Variants in CCDC180 observed in about 807,000 individuals in gnomAD.
CCDC180 encodes coiled-coil domain-containing protein 180.
CCDC180 carries 154 observed loss-of-function variants against 209.2 expected under a neutral mutation model. The ratio of observed to expected loss-of-function variants is 0.74; its 90% confidence interval spans 0.65 to 0.84. The LOEUF (loss-of-function observed/expected upper bound fraction) is 0.84. Ranked by LOEUF, CCDC180 falls within the 40% of genes least tolerant of loss-of-function variation. The pLI is 0.00. For missense variants in CCDC180, 1,874 were observed against 1,997.3 expected, an observed-to-expected ratio of 0.94 and a Z score of 1.18; for synonymous variants, 778 against 749.1, an observed-to-expected ratio of 1.04 and a Z score of -0.63.
chr9:97,364,221 AG>A, intron 29 of CCDC180, 93 bp downstream of exon 29: 3 of 1,223,028 alleles, frequency 2.5e-6, no homozygotes, highest in Non-Finnish European at 3.5e-6. Context: ...AAAATCAGAA[AG>A]GGGAAAGGCA....
intron 11 of CCDC180, among the ~76,000 whole-genome samples, chr9:97,321,275 A>C (rs771600979): frequency 6.6e-6 from 1 of 152,226 alleles, no homozygotes; most frequent in Non-Finnish European, 1.5e-5. Context: ...AAATAAAGGA[A>C]CATCTGTAGT....
At chr9:97,358,784 C>A (rs536674432) in intron 25 of CCDC180, among the ~76,000 whole-genome samples, 3 of 152,280 alleles carry the variant, frequency 2.0e-5, no homozygotes, top group African/African-American at 7.2e-5. Flanking sequence ...CAGAACCAGA[C>A]ACCCCAGCCT....
chr9:97,308,271 C>A, intron 2 of CCDC180, 139 bp downstream of exon 2: 1 of 742,284 alleles, frequency 1.3e-6, no homozygotes. Context: ...AAAAATAATT[C>A]TTGCTTGTTC....
intron 8 of CCDC180, among the ~76,000 whole-genome samples, chr9:97,316,132 A>C (rs1483500435): frequency 6.6e-6 from 1 of 152,200 alleles, no homozygotes; most frequent in African/African-American, 2.4e-5. Flanking sequence ...TAGAAGAGTC[A>C]AGGATTTCAG....
In CCDC180 at chr9:97,361,867, C is replaced by A; in HGVS notation, c.3625C>A (p.Pro1209Thr). ...SRVGKPLIED[P>T]AVDVIRKLLQ... ...CGTGGGGAAGCCCCTGATTGAGGAC[C>A]CAGCTGTGGATGTGATCAGGAAGCT... Residue 1209 changes from proline (P) to threonine (T), a missense_variant, in exon 27 of 37, where the codon CCA becomes ACA. Pro to Thr is a conservative substitution (Grantham distance 38). Transcript: ENST00000529487. The A allele has an allele frequency of 6.2e-7, 1 of 1,614,154 alleles. No individual in the cohort carries two copies. Among genetic ancestry groups the A allele is most frequent in the East Asian group, 2.2e-5 (1 of 44,880 alleles).
At chr9:97,347,769 T>C (rs1289935353) in intron 20 of CCDC180, 4 of 337,216 alleles carry the variant, frequency 1.2e-5, no homozygotes, top group Admixed American at 4.5e-5. Context: ...TTTTAGCTCT[T>C]GGAACCCAGA....
At chr9:97,313,609 G>T (rs1833062607) in intron 5 of CCDC180, among the ~76,000 whole-genome samples, 1 of 152,194 alleles carries the variant, frequency 6.6e-6, no homozygotes, top group African/African-American at 2.4e-5. Flanking sequence ...AGTCTCACCT[G>T]ACTTGGTGCA....
chr9:97,360,624 C>T (rs988013298), intron 26 of CCDC180, among the ~76,000 whole-genome samples: 1 of 152,206 alleles, frequency 6.6e-6, no homozygotes, highest in African/African-American at 2.4e-5. Context: ...GGACACACAG[C>T]AGCCTCCACG....
At chr9:97,338,034 G>A (rs1426439107) in intron 18 of CCDC180, among the ~76,000 whole-genome samples, 6 of 152,024 alleles carry the variant, frequency 3.9e-5, no homozygotes, top group Non-Finnish European at 7.4e-5. Context: ...TTTTTATTGA[G>A]TCTATTTGAT....
In CCDC180 at chr9:97,322,816, G is replaced by C; in HGVS notation, c.1160-17G>C. 1 of 1,612,216 alleles carries C rather than the reference G, an allele frequency of 6.2e-7. No homozygotes were observed. Among genetic ancestry groups the C allele is most frequent in the Non-Finnish European group, 8.5e-7 (1 of 1,178,622 alleles). ...TCTTCCTTCTGGACTGATTTGCTTTGTTTTCTGCCCATGGAGACACCTACC... is the reference window on the plus strand; with the variant it reads ...TCTTCCTTCTGGACTGATTTGCTTTCTTTTCTGCCCATGGAGACACCTACC... On this transcript the variant is annotated splice_polypyrimidine_tract_variant and intron_variant, in intron 11 of 36. Coordinates refer to ENST00000529487, the MANE Select transcript of CCDC180 (RefSeq NM_020893.6).
intron 10 of CCDC180, 22 bp downstream of exon 10, chr9:97,318,604 C>T: frequency 1.2e-6 from 2 of 1,608,794 alleles, no homozygotes; most frequent in Non-Finnish European, 1.7e-6. Context: ...AGGGGCGGCC[C>T]AGGAGGGGTG....
chr9:97,355,767 G>C (rs1055116672), intron 24 of CCDC180, among the ~76,000 whole-genome samples: 4 of 152,188 alleles, frequency 2.6e-5, no homozygotes, highest in African/African-American at 9.7e-5. Context: ...AGGGGCCAGA[G>C]GACTTAACCT....
At chr9:97,357,975 G>A in intron 25 of CCDC180, 1 of 371,924 alleles carries the variant, frequency 2.7e-6, no homozygotes, top group South Asian at 5.4e-5. Context: ...GTTGGGGGAG[G>A]CCTGAGTCTG....
intron 18 of CCDC180, among the ~76,000 whole-genome samples, chr9:97,332,890 G>T (rs1024112418): frequency 2.7e-4 from 41 of 152,124 alleles, no homozygotes; most frequent in African/African-American, 9.7e-4. Flanking sequence ...ACTCTGCCCA[G>T]GGCTTCCAAT....
In CCDC180 at chr9:97,320,141, C is replaced by A. The variant is rs770633828; in HGVS notation, c.1095C>A (p.Pro365=). The A allele has an allele frequency of 1.9e-6, 3 of 1,614,148 alleles. No individual in the cohort carries two copies. Among genetic ancestry groups the A allele is most frequent in the Non-Finnish European group, 2.5e-6 (3 of 1,180,024 alleles). The part of the protein sequence containing the change: ...HLCTICDLLP[P]SYSKTQLTEW... The stretch of plus-strand genomic sequence containing the variant: ...TCCTTCCCAGTGACCTCCTGCCCCC[C>A]AGTTACAGCAAAACTCAGCTGACTG... The change falls in exon 11 of 37, where the codon CCC becomes CCA. Residue 365 remains proline, a synonymous_variant. Coordinates refer to ENST00000529487, the MANE Select transcript of CCDC180 (RefSeq NM_020893.6).
At chr9:97,375,791 C>T (rs1305824732) in intron 36 of CCDC180, 5 of 638,908 alleles carry the variant, frequency 7.8e-6, no homozygotes, top group South Asian at 6.2e-5. Flanking sequence ...GGGTCTGAGG[C>T]GTGATCCCAA....
intron 10 of CCDC180, 106 bp downstream of exon 10, chr9:97,318,688 A>T (rs948737553): frequency 6.9e-7 from 1 of 1,452,954 alleles, no homozygotes; most frequent in Admixed American, 1.9e-5. Flanking sequence ...GACTAAGCAG[A>T]CCAACTCCCA....
chr9:97,359,237 C>G (rs565539263), intron 25 of CCDC180, among the ~76,000 whole-genome samples: 1 of 152,318 alleles, frequency 6.6e-6, no homozygotes, highest in Non-Finnish European at 1.5e-5. Context: ...GGCAGCTCTA[C>G]CTCTCCAGAA....
At position 97,367,466 on chromosome 9, in the gene CCDC180, A is replaced by AT. The variant is rs3052476; in HGVS notation, c.4189+782dup. Among the ~76,000 whole-genome samples the AT allele has an allele frequency of 3.6e-3, 466 of 128,266 alleles. 4 individuals carry two copies. Among genetic ancestry groups the AT allele is most frequent in the Middle Eastern group, 0.012 (3 of 258 alleles). 84.1% of individuals were successfully genotyped at this position (128,266 alleles called of 152,430 possible). On this transcript the variant is annotated intron_variant, in intron 31 of 36. Transcript: ENST00000529487. ...TCACCTCTCTGAGCCTCAGTTTTCT[A>AT]TTTTTTTTTTTTTTTTCTGAGACAG...
Sources: gnomAD v4.1 joint callset for allele counts (sites outside exome capture counted in the v4.1 genomes callset) on GRCh38, gnomAD v4.1.1 for gene constraint, MANE v1.5 for transcripts, NCBI Gene and HGNC (gene_info 2026-07-23, HGNC 2026-07-21) for gene names.